Variants in FANCC observed in about 807,000 individuals in gnomAD.
The protein encoded by FANCC is FA complementation group C.
A neutral mutation model predicts 71.3 loss-of-function variants in FANCC; 55 were observed. The observed-to-expected ratio is 0.77, with a 90% CI of 0.62 to 0.97. FANCC has a LOEUF of 0.97. Among genes scored for constraint, FANCC ranks in the 50% least tolerant of loss-of-function variants. The pLI is 0.00. For missense variants in FANCC, 678 were observed against 670.9 expected (o/e 1.01, Z -0.12); for synonymous variants, 275 against 244.9 (o/e 1.12, Z -1.15).
chr9:95,301,459 G>C (rs1184155070), intron 1 of FANCC, among the ~76,000 whole-genome samples: 2 of 151,926 alleles, frequency 1.3e-5, no homozygotes, highest in Non-Finnish European at 2.9e-5. Flanking sequence ...ACAAGGTCTT[G>C]TTCTGTCGCC....
chr9:95,233,623 G>A (rs1830136013), intron 4 of FANCC, among the ~76,000 whole-genome samples: 1 of 152,088 alleles, frequency 6.6e-6, no homozygotes, highest in African/African-American at 2.4e-5. Flanking sequence ...ATATGTGGAT[G>A]CAAAAATGGA....
At chr9:95,155,559 A>T (rs1830426659) in intron 6 of FANCC, among the ~76,000 whole-genome samples, 1 of 151,398 alleles carries the variant, frequency 6.6e-6, no homozygotes, top group Non-Finnish European at 1.5e-5. Flanking sequence ...CCATTATTTG[A>T]TTCTACTGGT....
At chr9:95,316,202 T>C (rs1188003287) in intron 1 of FANCC, among the ~76,000 whole-genome samples, 1 of 152,238 alleles carries the variant, frequency 6.6e-6, no homozygotes, top group African/African-American at 2.4e-5. Flanking sequence ...GAAAAAGATC[T>C]CTGATATATC....
intron 4 of FANCC, among the ~76,000 whole-genome samples, chr9:95,219,204 T>C (rs1322665975): frequency 6.6e-6 from 1 of 152,122 alleles, no homozygotes; most frequent in Non-Finnish European, 1.5e-5. Context: ...CAGTCACCTG[T>C]GGGCAAGAGA....
intron 1 of FANCC, among the ~76,000 whole-genome samples, chr9:95,277,542 C>CA (rs1413396283): frequency 6.6e-6 from 1 of 152,092 alleles, no homozygotes; most frequent in East Asian, 1.9e-4. Flanking sequence ...ATAAACTCCC[C>CA]AAATTTATTG....
At chr9:95,129,063 T>G (rs930805245) in intron 8 of FANCC, among the ~76,000 whole-genome samples, 5 of 151,970 alleles carry the variant, frequency 3.3e-5, no homozygotes, top group African/African-American at 1.2e-4. Context: ...CCACCACACC[T>G]GGCTAATTTT....
intron 6 of FANCC, among the ~76,000 whole-genome samples, chr9:95,166,096 C>A (rs1041455070): frequency 1.3e-5 from 2 of 151,972 alleles, no homozygotes; most frequent in Admixed American, 6.6e-5. Context: ...ATTTTTCCAT[C>A]TTTTCATTTT....
At chr9:95,219,213 G>T (rs1247374689) in intron 4 of FANCC, among the ~76,000 whole-genome samples, 1 of 152,200 alleles carries the variant, frequency 6.6e-6, no homozygotes, top group Non-Finnish European at 1.5e-5. Flanking sequence ...GTGGGCAAGA[G>T]ATTATGGGCA....
intron 4 of FANCC, among the ~76,000 whole-genome samples, chr9:95,237,592 G>T (rs934226087): frequency 1.3e-5 from 2 of 152,166 alleles, no homozygotes; most frequent in Non-Finnish European, 2.9e-5. Flanking sequence ...AAGCACCAGG[G>T]AATAACTGAA....
intron 3 of FANCC, among the ~76,000 whole-genome samples, chr9:95,246,507 G>C (rs1245578498): frequency 1.3e-5 from 2 of 152,148 alleles, no homozygotes; most frequent in Non-Finnish European, 2.9e-5. Flanking sequence ...AATCTTAAAA[G>C]TAAATATTAC....
At chr9:95,150,124 G>A (rs1830086354) in intron 6 of FANCC, 37 bp from the exon 7 acceptor site, 2 of 1,610,648 alleles carry the variant, frequency 1.2e-6, no homozygotes, top group African/African-American at 1.3e-5. Context: ...TCAAATCTAA[G>A]AGCCATGCAT....
At chr9:95,293,405 A>G (rs915113619) in intron 1 of FANCC, 3 of 1,578,608 alleles carry the variant, frequency 1.9e-6, no homozygotes, top group African/African-American at 2.7e-5. Flanking sequence ...TCCTCGGCCT[A>G]GATTCAGAGG....
At chr9:95,261,539 A>C (rs1168280091) in intron 1 of FANCC, among the ~76,000 whole-genome samples, 1 of 152,256 alleles carries the variant, frequency 6.6e-6, no homozygotes, top group Non-Finnish European at 1.5e-5. Flanking sequence ...AGCAAAAGCA[A>C]TTGGCATGAA....
chr9:95,168,991 G>A (rs1043488556), intron 6 of FANCC, among the ~76,000 whole-genome samples: 25 of 152,188 alleles, frequency 1.6e-4, no homozygotes, highest in African/African-American at 6.0e-4. Flanking sequence ...AACTGTCACA[G>A]TATCACTGTG....
At chr9:95,301,558 G>A (rs1389358506) in intron 1 of FANCC, among the ~76,000 whole-genome samples, 3 of 151,822 alleles carry the variant, frequency 2.0e-5, no homozygotes, top group African/African-American at 7.3e-5. Context: ...CTCCCTAGTA[G>A]CTGGGACCAC....
chr9:95,206,960 AAG>A (rs1475941075), intron 4 of FANCC, among the ~76,000 whole-genome samples: 16 of 152,136 alleles, frequency 1.1e-4, no homozygotes, highest in Non-Finnish European at 2.4e-4. Context: ...AACTCAGAAA[AAG>A]AGGTGAACTA....
intron 1 of FANCC, among the ~76,000 whole-genome samples, chr9:95,314,322 T>C (rs570573314): frequency 6.6e-6 from 1 of 152,364 alleles, no homozygotes; most frequent in East Asian, 1.9e-4. Context: ...CTGCTCTACC[T>C]GTGGAGTAGC....
intron 4 of FANCC, among the ~76,000 whole-genome samples, chr9:95,186,133 G>A (rs569439980): frequency 6.6e-6 from 1 of 152,236 alleles, no homozygotes; most frequent in African/African-American, 2.4e-5. Context: ...TGTGGGTGGG[G>A]CCCTAGAATC....
intron 1 of FANCC, among the ~76,000 whole-genome samples, chr9:95,299,622 A>G (rs950891588): frequency 6.6e-6 from 1 of 152,144 alleles, no homozygotes; most frequent in Non-Finnish European, 1.5e-5. Context: ...GCACTTTGGG[A>G]GGCTGAGGAA....
Sources: allele counts gnomAD v4.1 joint callset (sites outside exome capture counted in the v4.1 genomes callset), GRCh38; gene constraint gnomAD v4.1.1; transcripts MANE v1.5; gene names NCBI Gene and HGNC (gene_info 2026-07-23, HGNC 2026-07-21).